The following DNAAF11 variants were observed in gnomAD, a reference collection of about 807,000 sequenced individuals.
DNAAF11 encodes the protein dynein axonemal assembly factor 11.
A neutral mutation model predicts 60.8 loss-of-function variants in DNAAF11; 45 were observed. The ratio of observed to expected loss-of-function variants is 0.74; its 90% CI spans 0.58 to 0.95. The LOEUF is 0.95. Among genes scored for constraint, DNAAF11 ranks in the 40% least tolerant of loss-of-function variants. The pLI, the probability that DNAAF11 is intolerant of heterozygous loss-of-function variation, is 0.00. For synonymous variants in DNAAF11, 191 were observed against 183.5 expected, an observed-to-expected ratio of 1.04 and a Z score of -0.33; for missense variants, 546 against 546.2, an observed-to-expected ratio of 1.00 and a Z score of 0.00.
At chr8:132,669,731 C>T (rs1366427542) in intron 1 of DNAAF11, among the ~76,000 whole-genome samples, 2 of 151,940 alleles carry the variant, frequency 1.3e-5, no homozygotes, top group Non-Finnish European at 2.9e-5. Flanking sequence ...TACCCTCTAG[C>T]CTAAAAATCT....
chr8:132,646,312 G>A (rs1822377692), intron 3 of DNAAF11, among the ~76,000 whole-genome samples: 5 of 152,282 alleles, frequency 3.3e-5, no homozygotes, highest in Admixed American at 1.3e-4. Flanking sequence ...CACCAGGCCT[G>A]CCTTACAAGA....
chr8:132,646,422 C>T (rs569851746), intron 3 of DNAAF11, among the ~76,000 whole-genome samples: 12 of 152,158 alleles, frequency 7.9e-5, no homozygotes, highest in South Asian at 2.1e-4. Flanking sequence ...GAAGAAACTA[C>T]GTCAACTAAC....
At chr8:132,586,241 C>A (rs1815878495) in intron 10 of DNAAF11, among the ~76,000 whole-genome samples, 1 of 152,076 alleles carries the variant, frequency 6.6e-6, no homozygotes, top group Middle Eastern at 3.2e-3. Context: ...TGCTGTCCAG[C>A]AAAATTTTCT....
chr8:132,688,220 C>G, the DNAAF11 span, among the ~76,000 whole-genome samples: 289 of 152,284 alleles, frequency 1.9e-3, 1 homozygote, highest in East Asian at 6.8e-3. Context: ...GAGACACATT[C>G]AAACCACAGC....
chr8:132,619,793 G>A (rs1473327832), intron 7 of DNAAF11, among the ~76,000 whole-genome samples: 1 of 152,178 alleles, frequency 6.6e-6, no homozygotes, highest in African/African-American at 2.4e-5. Flanking sequence ...GAGAGAACTA[G>A]TGCAGAAGAC....
intron 11 of DNAAF11, among the ~76,000 whole-genome samples, chr8:132,574,012 T>C (rs1411447698): frequency 6.6e-6 from 1 of 152,146 alleles, no homozygotes; most frequent in Non-Finnish European, 1.5e-5. Flanking sequence ...CCCTGAAAGA[T>C]GTGAAGGAAT....
At chr8:132,657,769 A>G (rs1199772703) in intron 2 of DNAAF11, among the ~76,000 whole-genome samples, 2 of 152,216 alleles carry the variant, frequency 1.3e-5, no homozygotes, top group African/African-American at 2.4e-5. Flanking sequence ...CATTTAGTAT[A>G]TATTACCTTA....
intron 7 of DNAAF11, among the ~76,000 whole-genome samples, chr8:132,616,345 G>A (rs552086191): frequency 6.6e-6 from 1 of 152,192 alleles, no homozygotes; most frequent in African/African-American, 2.4e-5. Flanking sequence ...TAGCTGAGTA[G>A]AACAGAATGT....
intron 10 of DNAAF11, among the ~76,000 whole-genome samples, chr8:132,600,725 A>G (rs1280288706): frequency 6.6e-6 from 1 of 152,366 alleles, no homozygotes; most frequent in South Asian, 2.1e-4. Flanking sequence ...AGCCATATGT[A>G]GAAAGCTGAA....
At position 132,622,593 on chromosome 8, in the gene DNAAF11, C is replaced by T; in HGVS notation, c.914+18G>A. The T allele has an allele frequency of 6.2e-7, 1 of 1,602,642 alleles. No individual in the cohort carries two copies. The highest frequency in any genetic ancestry group is 8.5e-7 in the Non-Finnish European group (1 of 1,170,712). ...CTGACACTTTTGGGTCTTTAACGCT[C>T]TATTTGGCCTCACATACTTGGGCTC... On this transcript the variant is annotated intron_variant, in intron 7 of 11. Transcript: ENST00000620350.
intron 3 of DNAAF11, among the ~76,000 whole-genome samples, chr8:132,653,271 A>G (rs958790689): frequency 4.6e-5 from 7 of 152,168 alleles, no homozygotes; most frequent in Non-Finnish European, 1.0e-4. Flanking sequence ...GTAGTTGTCA[A>G]CGAATAATTC....
intron 10 of DNAAF11, chr8:132,608,275 A>G: frequency 5.5e-6 from 1 of 181,366 alleles, no homozygotes; most frequent in Non-Finnish European, 1.2e-5. Flanking sequence ...TTAACATAGT[A>G]GTCGAAAATC....
intron 10 of DNAAF11, among the ~76,000 whole-genome samples, chr8:132,592,518 G>C (rs1816571581): frequency 6.6e-6 from 1 of 152,154 alleles, no homozygotes; most frequent in Non-Finnish European, 1.5e-5. Flanking sequence ...TGTAAGCAGG[G>C]TCTACAGCAT....
At chr8:132,592,597 C>T (rs1433468163) in intron 10 of DNAAF11, among the ~76,000 whole-genome samples, 3 of 152,020 alleles carry the variant, frequency 2.0e-5, no homozygotes, top group African/African-American at 7.2e-5. Flanking sequence ...CACTAACAGG[C>T]TTTATAAAAG....
At chr8:132,610,867 T>C (rs1818591082) in intron 9 of DNAAF11, among the ~76,000 whole-genome samples, 1 of 152,040 alleles carries the variant, frequency 6.6e-6, no homozygotes, top group Non-Finnish European at 1.5e-5. Flanking sequence ...TCCCTTTTTC[T>C]ATGTTTTGTT....
At chr8:132,696,094 T>C in the DNAAF11 span, among the ~76,000 whole-genome samples, 2 of 152,184 alleles carry the variant, frequency 1.3e-5, no homozygotes, top group Admixed American at 6.6e-5. Context: ...CAGGCTTGAC[T>C]GTGAGTGCAT....
At chr8:132,607,422 A>G (rs1275242587) in intron 10 of DNAAF11, among the ~76,000 whole-genome samples, 2 of 152,110 alleles carry the variant, frequency 1.3e-5, no homozygotes, top group Non-Finnish European at 2.9e-5. Flanking sequence ...ACAAAGTGAA[A>G]CCTCTTGGAA....
chr8:132,583,746 A>C lies in DNAAF11; in HGVS notation c.1174T>G (p.Phe392Val). The C allele has an allele frequency of 6.2e-7, 1 of 1,613,936 alleles. No individual in the cohort carries two copies. The highest frequency in any genetic ancestry group is 1.3e-5 in the African/African-American group (1 of 75,032). ...TCCGAGGTAGTTTTCATAGATTTGAATGCTCGCTGACCACCTGTGATTACT... is the reference window on the plus strand; with the variant it reads ...TCCGAGGTAGTTTTCATAGATTTGACTGCTCGCTGACCACCTGTGATTACT... ...GEVITGGQRA[F>V]KSMKTTSDRS... Residue 392 changes from phenylalanine (F) to valine (V), a missense_variant, in exon 11 of 12, where the codon TTC becomes GTC. Coordinates refer to ENST00000620350, the MANE Select transcript of DNAAF11 (RefSeq NM_012472.6).
chr8:132,698,968 AC>A, the DNAAF11 span, among the ~76,000 whole-genome samples: 119 of 110,084 alleles, frequency 1.1e-3, no homozygotes, highest in Middle Eastern at 4.3e-3. Flanking sequence ...ACACACACAC[AC>A]ACAAAAAAAA....
Sources: allele counts gnomAD v4.1 joint callset (sites outside exome capture counted in the v4.1 genomes callset), GRCh38; gene constraint gnomAD v4.1.1; transcripts MANE v1.5; gene names NCBI Gene and HGNC (gene_info 2026-07-23, HGNC 2026-07-21).